The following METTL16 variants were observed in gnomAD, a reference collection of about 807,000 sequenced individuals.
METTL16 encodes RNA N(6)-adenosine-methyltransferase METTL16.
METTL16 carries 19 observed loss-of-function variants against 57.9 expected under a neutral mutation model. The ratio of observed to expected loss-of-function variants is 0.33; its 90% CI spans 0.23 to 0.48. The LOEUF (loss-of-function observed/expected upper bound fraction) is 0.48, where lower values mean the gene tolerates loss of function less well. METTL16 is among the 20% of genes least tolerant of loss of function. The pLI is 0.99. For synonymous variants in METTL16, 246 were observed against 255.6 expected, an observed-to-expected ratio of 0.96 and a Z score of 0.36; for missense variants, 434 against 691.5, an observed-to-expected ratio of 0.63 and a Z score of 4.18.
rs1315762026 is a variant in METTL16, at chr17:2,510,871, C to T, written c.-1+888G>A. Among the ~76,000 whole-genome samples, 5 of 151,964 alleles carry T rather than the reference C, an allele frequency of 3.3e-5. No homozygotes were observed. The South Asian group carries it at 8.3e-4, about 25-fold the overall frequency. ...TAGAAAGGGAGTCTGGCTTTGCTACCCAGGCTCTAGCTTCAATTTTCTACA... is the reference window on the plus strand; with the variant it reads ...TAGAAAGGGAGTCTGGCTTTGCTACTCAGGCTCTAGCTTCAATTTTCTACA... On this transcript the variant is annotated intron_variant, in intron 1 of 9. Coordinates refer to ENST00000263092, the MANE Select transcript of METTL16 (RefSeq NM_024086.4).
chr17:2,487,850 T>A (rs1038942534), intron 2 of METTL16, among the ~76,000 whole-genome samples: 4 of 150,950 alleles, frequency 2.6e-5, no homozygotes, highest in Non-Finnish European at 5.9e-5. Context: ...CAAAAAAAAA[T>A]TTTAAATTAG....
In METTL16 at chr17:2,428,602, T is replaced by TAA. The variant is rs1555615223; in HGVS notation, c.889-7700_889-7699dup. Among the ~76,000 whole-genome samples, 103 of 94,972 alleles carry TAA rather than the reference T, an allele frequency of 1.1e-3. 5 individuals carry two copies. Among genetic ancestry groups the TAA allele is most frequent in the African/African-American group, 4.3e-3 (92 of 21,422 alleles). 62.3% of individuals were successfully genotyped at this position (94,972 alleles called of 152,430 possible). A position where few individuals can be genotyped will look rare whatever the true frequency, so the allele number is the denominator to read the frequency against. ...ATATATATATATATATATATATATA[T>TAA]AAATTGTAATACAGCGGGGCACAGT... On this transcript the variant is annotated intron_variant, in intron 8 of 9. Transcript: ENST00000263092.
intron 5 of METTL16, among the ~76,000 whole-genome samples, chr17:2,466,953 C>T (rs959132779): frequency 6.6e-6 from 1 of 152,010 alleles, no homozygotes; most frequent in Non-Finnish European, 1.5e-5. Context: ...CAGGCACACG[C>T]CATAGTGCCT....
chr17:2,468,953 C>A (rs1167414684), intron 4 of METTL16, among the ~76,000 whole-genome samples: 2 of 151,394 alleles, frequency 1.3e-5, no homozygotes, highest in Non-Finnish European at 2.9e-5. Flanking sequence ...AGGCTCCTAG[C>A]GCCAGGCATG....
chr17:2,507,292 T>C (rs1417985474), intron 1 of METTL16, among the ~76,000 whole-genome samples: 2 of 136,196 alleles, frequency 1.5e-5, no homozygotes, highest in African/African-American at 5.7e-5. Flanking sequence ...GAGGAGCCCC[T>C]CTGCCCGGCC....
At chr17:2,470,072 T>C (rs1257044196) in intron 4 of METTL16, among the ~76,000 whole-genome samples, 2 of 152,222 alleles carry the variant, frequency 1.3e-5, no homozygotes, top group South Asian at 4.1e-4. Flanking sequence ...CCTTATTTTA[T>C]GGTGTTCCTG....
At chr17:2,497,735 GT>G (rs1311791887) in intron 2 of METTL16, among the ~76,000 whole-genome samples, 1 of 151,006 alleles carries the variant, frequency 6.6e-6, no homozygotes, top group Non-Finnish European at 1.5e-5. Flanking sequence ...AGACTGACAG[GT>G]TTTTTTTGGA....
At chr17:2,480,107 AC>A (rs2067294439) in intron 2 of METTL16, among the ~76,000 whole-genome samples, 1 of 149,414 alleles carries the variant, frequency 6.7e-6, no homozygotes, top group African/African-American at 2.5e-5. Flanking sequence ...AATCGCTTGA[AC>A]CCGGAAGGCA....
intron 6 of METTL16, among the ~76,000 whole-genome samples, chr17:2,444,051 G>A (rs1211091411): frequency 1.3e-5 from 2 of 151,640 alleles, no homozygotes; most frequent in African/African-American, 4.9e-5. Flanking sequence ...AAAATTGGGT[G>A]AGGCATATGT....
chr17:2,500,926 G>A (rs764708183), intron 2 of METTL16, among the ~76,000 whole-genome samples: 1 of 151,976 alleles, frequency 6.6e-6, no homozygotes, highest in Non-Finnish European at 1.5e-5. Flanking sequence ...AGACCAGTCT[G>A]GCCAACATGG....
chr17:2,495,974 G>A (rs2067442297), intron 2 of METTL16, among the ~76,000 whole-genome samples: 1 of 151,326 alleles, frequency 6.6e-6, no homozygotes, highest in African/African-American at 2.5e-5. Context: ...TTTGGGCGTG[G>A]CAGTGCACAC....
At chr17:2,423,192 A>T (rs920316282) in intron 8 of METTL16, among the ~76,000 whole-genome samples, 5 of 152,014 alleles carry the variant, frequency 3.3e-5, no homozygotes, top group Non-Finnish European at 7.4e-5. Flanking sequence ...CTCACACTGC[A>T]TACATACACA....
At chr17:2,422,963 CAGA>C (rs990312464) in intron 8 of METTL16, among the ~76,000 whole-genome samples, 1 of 152,022 alleles carries the variant, frequency 6.6e-6, no homozygotes, top group Admixed American at 6.6e-5. Context: ...AGCCTGGAGA[CAGA>C]AGGAGACTGT....
At chr17:2,491,824 G>A (rs569249155) in intron 2 of METTL16, among the ~76,000 whole-genome samples, 20 of 141,360 alleles carry the variant, frequency 1.4e-4, no homozygotes, top group Non-Finnish European at 2.6e-4. Flanking sequence ...GCAGTGAGCC[G>A]AGATCGCGCC....
At chr17:2,476,575 G>A (rs2067270109) in intron 3 of METTL16, among the ~76,000 whole-genome samples, 1 of 152,224 alleles carries the variant, frequency 6.6e-6, no homozygotes, top group Non-Finnish European at 1.5e-5. Flanking sequence ...AAAAGATCAT[G>A]TAGGATGAGG....
At chr17:2,438,737 G>A (rs527522929) in intron 7 of METTL16, among the ~76,000 whole-genome samples, 6 of 152,182 alleles carry the variant, frequency 3.9e-5, no homozygotes, top group East Asian at 3.9e-4. Flanking sequence ...CAGGCGATCC[G>A]CCCACCTCGG....
At chr17:2,428,334 T>C (rs1280639389) in intron 8 of METTL16, among the ~76,000 whole-genome samples, 1 of 149,896 alleles carries the variant, frequency 6.7e-6, no homozygotes, top group Non-Finnish European at 1.5e-5. Flanking sequence ...AAGACTACAG[T>C]GGATATGATA....
rs150274159 is a variant in METTL16 at position 2,432,135 on chromosome 17, G to A, written c.888+5974C>T. On this transcript the variant is annotated intron_variant, in intron 8 of 9. Transcript: ENST00000263092. Reference sequence around the variant, plus strand: ...ATTTTTTTGTATTTTTAGTAGAGACGGAGGGAAGGTTTCACCGTGTTAGCC... The same window carrying A: ...ATTTTTTTGTATTTTTAGTAGAGACAGAGGGAAGGTTTCACCGTGTTAGCC... Among the ~76,000 whole-genome samples the A allele has an allele frequency of 3.9e-3, 598 of 152,202 alleles. 3 individuals are homozygous for A. The highest frequency in any genetic ancestry group is 0.01 in the Middle Eastern group (3 of 294).
chr17:2,478,201 G>C (rs78407344), intron 2 of METTL16, among the ~76,000 whole-genome samples: 4,009 of 152,288 alleles, frequency 0.026, 166 homozygotes, highest in African/African-American at 0.09. Context: ...CTCTATGAAA[G>C]TGTTTCCTCT....
Sources: gnomAD v4.1 joint callset for allele counts (sites outside exome capture counted in the v4.1 genomes callset) on GRCh38, gnomAD v4.1.1 for gene constraint, MANE v1.5 for transcripts, NCBI Gene and HGNC (gene_info 2026-07-23, HGNC 2026-07-21) for gene names.